KIAA1549: variants seen among roughly 807,000 people sequenced by gnomAD.
KIAA1549 encodes the protein UPF0606 protein KIAA1549.
A neutral mutation model predicts 156.4 loss-of-function variants in KIAA1549; 70 were observed. The ratio of observed to expected loss-of-function variants is 0.45; its 90% CI spans 0.37 to 0.55. KIAA1549 has a LOEUF of 0.55. KIAA1549 is among the 20% of genes least tolerant of loss of function. KIAA1549 has a pLI of 0.00. For synonymous variants in KIAA1549, 1,103 were observed against 1,066.4 expected, an observed-to-expected ratio of 1.03 and a Z score of -0.67; for missense variants, 2,428 against 2,540.9, an observed-to-expected ratio of 0.96 and a Z score of 0.96.
chr7:138,907,099 A>C lies in KIAA1549; in HGVS notation c.3280T>G (p.Leu1094Val). The C allele has an allele frequency of 6.3e-7, 1 of 1,577,488 alleles. No homozygotes were observed. Among genetic ancestry groups the C allele is most frequent in the Non-Finnish European group, 8.6e-7 (1 of 1,166,456 alleles). Residue 1094 changes from leucine (L) to valine (V), a missense_variant, in exon 6 of 20, where the codon TTG becomes GTG. Transcript: ENST00000422774. ...QGTYNLTVQILNITISSSRVT... is the reference protein window; with the variant it reads ...QGTYNLTVQIVNITISSSRVT... ...CTTGAGGAACTGATGGTGATATTCAAGATCTGAAAGAATAAAGTCAGAATA... is the reference window on the plus strand; with the variant it reads ...CTTGAGGAACTGATGGTGATATTCACGATCTGAAAGAATAAAGTCAGAATA...
At position 138,840,122 on chromosome 7, in the gene KIAA1549, G is replaced by A; in HGVS notation, c.5598+11C>T. ...AAATTTTAAATGATGACCCAAACAG[G>A]AGATACTCACGGCCTCTCTTCGCCC... is the stretch of plus-strand genomic sequence containing the variant. On this transcript the variant is annotated intron_variant, in intron 19 of 19. Transcript: ENST00000422774. The A allele has an allele frequency of 1.3e-6, 2 of 1,549,680 alleles. 1 individual carries two copies. The highest frequency in any genetic ancestry group is 3.9e-5 in the Admixed American group (2 of 50,776).
intron 16 of KIAA1549, among the ~76,000 whole-genome samples, chr7:138,854,433 TACATAAC>T (rs1810324064): frequency 6.6e-6 from 1 of 152,202 alleles, no homozygotes; most frequent in African/African-American, 2.4e-5. Flanking sequence ...GACTCACTGA[TACATAAC>T]ACTCCTACCC....
intron 15 of KIAA1549, among the ~76,000 whole-genome samples, chr7:138,864,763 A>G (rs1554411888): frequency 1.3e-5 from 2 of 152,122 alleles, no homozygotes; most frequent in African/African-American, 2.4e-5. Context: ...TACACTTCCA[A>G]AAGTGTCTGG....
At chr7:138,863,694 G>T (rs563993087) in intron 15 of KIAA1549, among the ~76,000 whole-genome samples, 1 of 152,148 alleles carries the variant, frequency 6.6e-6, no homozygotes, top group African/African-American at 2.4e-5. Context: ...ACCAACTGCC[G>T]TGAAGCAGCG....
intron 8 of KIAA1549, among the ~76,000 whole-genome samples, chr7:138,901,630 G>T (rs1455913489): frequency 6.6e-6 from 1 of 152,108 alleles, no homozygotes; most frequent in Admixed American, 6.5e-5. Flanking sequence ...CAGCCCACTT[G>T]AGCATTTTTC....
At chr7:138,952,391 C>A (rs1263050810) in intron 1 of KIAA1549, among the ~76,000 whole-genome samples, 1 of 152,204 alleles carries the variant, frequency 6.6e-6, no homozygotes, top group Non-Finnish European at 1.5e-5. Flanking sequence ...AGTATTCTAA[C>A]AATCAGGAAC....
Position 138,918,024 on chromosome 7 carries a change from A to G in KIAA1549, c.1602T>C (p.Leu534=), listed in dbSNP as rs1812400336. The change falls in exon 2 of 20, where the codon CTT becomes CTC. Residue 534 remains leucine, a synonymous_variant. Transcript: ENST00000422774. The surrounding 1 kb of genome is among the most constrained non-coding windows in gnomAD (Gnocchi z 4.2). ...CAGACAAGGAGCCAGCAGTAGGATCAAGTGACGCCGGCACAGAGAGGCGGC... is the reference window on the plus strand; with the variant it reads ...CAGACAAGGAGCCAGCAGTAGGATCGAGTGACGCCGGCACAGAGAGGCGGC... The part of the protein sequence containing the change: ...AHGRLSVPAS[L]DPTAGSLSVA... 1 of 1,607,872 alleles carries G rather than the reference A, an allele frequency of 6.2e-7. No homozygotes were observed. Among genetic ancestry groups the G allele is most frequent in the Non-Finnish European group, 8.5e-7 (1 of 1,177,032 alleles).
intron 16 of KIAA1549, among the ~76,000 whole-genome samples, chr7:138,857,035 G>C (rs897271932): frequency 6.6e-6 from 1 of 152,124 alleles, no homozygotes; most frequent in African/African-American, 2.4e-5. Context: ...TGAAGCACCT[G>C]GTTTTCAAGC....
chr7:138,906,453 A>G (rs940518300), intron 6 of KIAA1549, among the ~76,000 whole-genome samples: 4 of 152,220 alleles, frequency 2.6e-5, no homozygotes, highest in Non-Finnish European at 5.9e-5. Context: ...CAGGAGGTAT[A>G]TGGGAAATCT....
chr7:138,844,411 T>C lies in KIAA1549; in HGVS notation c.5358A>G (p.Pro1786=), dbSNP rs2130334183. Reference sequence around the variant, plus strand: ...CAAATGGGGCTTCGGCGGAGGCCTGTGGCTGCTGAGGGTCAGGGGGCACCA... The same window carrying C: ...CAAATGGGGCTTCGGCGGAGGCCTGCGGCTGCTGAGGGTCAGGGGGCACCA... ...TELVPPDPQQ[P]QASAEAPFAA... is the part of the protein sequence containing the mutation. The change falls in exon 18 of 20, where the codon CCA becomes CCG. Residue 1786 remains proline (P), a synonymous_variant. Coordinates refer to ENST00000422774, the MANE Select transcript of KIAA1549 (RefSeq NM_001164665.2). 3 of 1,601,852 alleles carry C rather than the reference T, an allele frequency of 1.9e-6. No homozygotes were observed. The highest frequency in any genetic ancestry group is 2.6e-6 in the Non-Finnish European group (3 of 1,173,864).
intron 1 of KIAA1549, among the ~76,000 whole-genome samples, chr7:138,932,960 C>T (rs755436111): frequency 6.6e-6 from 1 of 152,160 alleles, no homozygotes; most frequent in Non-Finnish European, 1.5e-5. Context: ...GCCAGGGAGA[C>T]ATGGGAAAAC....
chr7:138,867,863 A>C (rs992215695), intron 15 of KIAA1549, 112 bp downstream of exon 15: 3 of 1,154,750 alleles, frequency 2.6e-6, no homozygotes, highest in Non-Finnish European at 3.7e-6. Context: ...GGCATCAGGC[A>C]CTGATACCAC....
chr7:138,937,763 G>A (rs1813060489), intron 1 of KIAA1549, among the ~76,000 whole-genome samples: 2 of 152,196 alleles, frequency 1.3e-5, no homozygotes, highest in Admixed American at 1.3e-4. Flanking sequence ...CATGGACGGT[G>A]AGGAGCCAAC....
chr7:138,887,966 C>G (rs548985681), intron 10 of KIAA1549, among the ~76,000 whole-genome samples: 2 of 152,338 alleles, frequency 1.3e-5, no homozygotes, highest in African/African-American at 2.4e-5. Context: ...ACAAGGAGAA[C>G]AGGGAAGAGG....
At position 138,837,244 on chromosome 7, in the gene KIAA1549, C is replaced by T. The variant is rs964328598; in HGVS notation, c.*662G>A. The T allele has an allele frequency of 1.3e-5, 3 of 227,312 alleles. No individual in the cohort carries two copies. The highest frequency in any genetic ancestry group is 6.7e-5 in the African/African-American group (3 of 44,926). 14.1% of individuals were successfully genotyped at this position (227,312 alleles called of 1,614,324 possible). On this transcript the variant is annotated 3_prime_UTR_variant, in exon 20 of 20. Coordinates refer to ENST00000422774, the MANE Select transcript of KIAA1549 (RefSeq NM_001164665.2). ...TTCTTCCACTGAAAAAGCCAAAGTT[C>T]CATTTCAGACATGAAGGTGAAGGGC... is the stretch of plus-strand genomic sequence containing the variant.
chr7:138,940,360 CT>C (rs1813147866), intron 1 of KIAA1549, among the ~76,000 whole-genome samples: 1 of 151,454 alleles, frequency 6.6e-6, no homozygotes, highest in Non-Finnish European at 1.5e-5. Flanking sequence ...TTTTTTATGG[CT>C]GCATAGTATT....
In KIAA1549 at chr7:138,869,505, C is replaced by T. The variant is rs747239002; in HGVS notation, c.4775+33G>A. On this transcript the variant is annotated intron_variant, in intron 14 of 19. Coordinates refer to ENST00000422774, the MANE Select transcript of KIAA1549 (RefSeq NM_001164665.2). ...GCCCCCCGCAGCACCTCTGCGCGCC[C>T]GCCCCACCGCCTAGCGCAGAGCCCC... is the stretch of plus-strand genomic sequence containing the variant. 5 of 1,516,750 alleles carry T rather than the reference C, an allele frequency of 3.3e-6. No individual in the cohort carries two copies. The East Asian group carries it at 7.4e-5, about 22-fold the overall frequency. The allele number at this position is 1,516,750 out of a possible 1,614,324, so 94.0% of individuals were successfully genotyped here.
At position 138,899,115 on chromosome 7, in the gene KIAA1549, C is replaced by T. The variant is rs775042303; in HGVS notation, c.3687G>A (p.Arg1229=). The part of the protein sequence containing the change: ...NSVVQVVNVS[R]LEGDDNPVQL... ...GTACCGGATTGTCATCTCCCTCCAG[C>T]CTCGACACATTTACCACCTGAAAGA... Residue 1229 remains arginine (R), a synonymous_variant, in exon 9 of 20, where the codon AGG becomes AGA. Coordinates refer to ENST00000422774, the MANE Select transcript of KIAA1549 (RefSeq NM_001164665.2). 1 of 1,613,784 alleles carries T rather than the reference C, an allele frequency of 6.2e-7. No homozygotes were observed.
At chr7:138,858,820 C>T (rs1408149056) in intron 16 of KIAA1549, among the ~76,000 whole-genome samples, 3 of 152,104 alleles carry the variant, frequency 2.0e-5, no homozygotes, top group Non-Finnish European at 4.4e-5. Context: ...ATCCTGGCTA[C>T]ATGGTGAAAC....
Sources: allele counts gnomAD v4.1 joint callset (sites outside exome capture counted in the v4.1 genomes callset), GRCh38; gene constraint gnomAD v4.1.1; non-coding constraint Gnocchi (gnomAD v3.1); transcripts MANE v1.5; gene names NCBI Gene and HGNC (gene_info 2026-07-23, HGNC 2026-07-21).